SKP2: variants seen among roughly 807,000 people sequenced by gnomAD.
The protein encoded by SKP2 is S-phase kinase associated protein 2.
In SKP2, 16 loss-of-function variants were observed where a neutral mutation model predicts 51.8. That is an observed-to-expected ratio of 0.31 (90% CI 0.21 to 0.47). SKP2 has a LOEUF of 0.47. Ranked by LOEUF, SKP2 falls within the 20% of genes least tolerant of loss-of-function variation. The pLI, the probability that SKP2 is intolerant of heterozygous loss-of-function variation, is 1.00. For missense variants in SKP2, 377 were observed against 505.3 expected (o/e 0.75, Z 2.43); for synonymous variants, 176 against 198.6 (o/e 0.89, Z 0.96).
chr5:36,152,875 T>C lies in SKP2; in HGVS notation c.113T>C (p.Val38Ala). The change falls in exon 2 of 10, where the codon GTC becomes GCC. Residue 38 changes from valine (V) to alanine (A), a missense_variant. Around this residue, in one of 2 missense-constraint regions of SKP2, gnomAD observed 115 missense variants for 115.5 expected, o/e 1.00. Transcript: ENST00000274255. ...TCTGAACTGCTGTCAGGCATGGGGG[T>C]CTCCGCCCTGGAGAAAGAGGAGCCC... Reference protein sequence around the residue: ...KTSELLSGMGVSALEKEEPDS... With the variant: ...KTSELLSGMGASALEKEEPDS... 6.2e-7 allele frequency: 1 copy of C among 1,613,176 alleles called. No homozygotes were observed. The highest frequency in any genetic ancestry group is 1.3e-5 in the African/African-American group (1 of 74,628).
chr5:36,169,021 T>C (rs1050628235), intron 5 of SKP2, among the ~76,000 whole-genome samples: 4 of 152,142 alleles, frequency 2.6e-5, no homozygotes, highest in African/African-American at 2.4e-5. Flanking sequence ...TTCTAAACTC[T>C]TACGTAGTTG....
chr5:36,182,603 C>T lies in SKP2; in HGVS notation c.*572C>T. 1 of 981,298 alleles carries T rather than the reference C, an allele frequency of 1.0e-6. No homozygotes were observed. Among genetic ancestry groups the T allele is most frequent in the Non-Finnish European group, 1.2e-6 (1 of 826,344 alleles). 60.8% of individuals were successfully genotyped at this position (981,298 alleles called of 1,614,324 possible). ...AATTAGGTTAATAGAAATAAGTAAC[C>T]CCATGTAATTCACCTTAAAACTTAA... On this transcript the variant is annotated 3_prime_UTR_variant, in exon 10 of 10. Transcript: ENST00000274255.
chr5:36,186,538 T>C (rs1745957350), downstream of SKP2, among the ~76,000 whole-genome samples: 1 of 152,214 alleles, frequency 6.6e-6, no homozygotes, highest in South Asian at 2.1e-4. Context: ...GTTTATATGC[T>C]GGATTACATT....
chr5:36,153,240 A>G lies in SKP2; in HGVS notation c.280+198A>G, dbSNP rs865919429. ...TATATATATATATATATATATATATATATGTATGTTCTGGTGCATAATCAC... is the reference window on the plus strand; with the variant it reads ...TATATATATATATATATATATATATGTATGTATGTTCTGGTGCATAATCAC... On this transcript the variant is annotated intron_variant, in intron 2 of 9. Transcript: ENST00000274255. Among the ~76,000 whole-genome samples, 35 of 115,122 alleles carry G rather than the reference A, an allele frequency of 3.0e-4. No individual in the cohort carries two copies. The East Asian group carries it at 6.5e-3, about 22-fold the overall frequency. 75.5% of individuals were successfully genotyped at this position (115,122 alleles called of 152,430 possible). A position where few individuals can be genotyped will look rare whatever the true frequency, so the allele number is the denominator to read the frequency against.
At chr5:36,171,157 T>C (rs1745459714) in intron 6 of SKP2, among the ~76,000 whole-genome samples, 1 of 152,198 alleles carries the variant, frequency 6.6e-6, no homozygotes, top group African/African-American at 2.4e-5. Flanking sequence ...TCGTTTTTGC[T>C]CAGTTAGCAG....
chr5:36,183,968 T>TTGTA lies in SKP2; in HGVS notation c.*1941_*1944dup. 1 of 1,608,252 alleles carries TTGTA rather than the reference T, an allele frequency of 6.2e-7. No individual in the cohort carries two copies. The highest frequency in any genetic ancestry group is 8.5e-7 in the Non-Finnish European group (1 of 1,177,558). On this transcript the variant is annotated 3_prime_UTR_variant, in exon 10 of 10. Coordinates refer to ENST00000274255, the MANE Select transcript of SKP2 (RefSeq NM_005983.4). ...CAACATGTCAGAGTAATCTGTATTT[T>TTGTA]TGTATGTGATTTCTACTTTTATAGA...
intron 9 of SKP2, chr5:36,177,505 G>C (rs2112004384): frequency 3.2e-6 from 2 of 625,676 alleles, no homozygotes; most frequent in Admixed American, 2.2e-5. Context: ...TTGTTTAGCT[G>C]TAAGCAGTTT....
At position 36,176,977 on chromosome 5, in the gene SKP2, T is replaced by C. The variant is rs1253043039; in HGVS notation, c.914T>C (p.Leu305Ser). 6.3e-7 allele frequency: 1 copy of C among 1,596,426 alleles called. No homozygotes were observed. Among genetic ancestry groups the C allele is most frequent in the Admixed American group, 1.7e-5 (1 of 59,402 alleles). Residue 305 changes from leucine to serine, a missense_variant, in exon 8 of 10, where the codon TTA becomes TCA. This residue lies in a region of SKP2 where 262 missense variants were observed against 389.8 expected (regional missense o/e 0.67). Coordinates refer to ENST00000274255, the MANE Select transcript of SKP2 (RefSeq NM_005983.4). ...KNLQKSDLST[L>S]VRRCPNLVHL... ...TTGCTTTTCCTAGATCTCTCTACTTTAGTTAGAAGATGCCCCAATCTTGTC... is the reference window on the plus strand; with the variant it reads ...TTGCTTTTCCTAGATCTCTCTACTTCAGTTAGAAGATGCCCCAATCTTGTC...
At chr5:36,155,836 G>A (rs1744928871) in intron 2 of SKP2, among the ~76,000 whole-genome samples, 1 of 152,148 alleles carries the variant, frequency 6.6e-6, no homozygotes, top group South Asian at 2.1e-4. Flanking sequence ...TTTTTTTTAA[G>A]CAAGGCACTG....
Position 36,170,340 on chromosome 5 carries a change from C to G in SKP2, c.672-4C>G, listed in dbSNP as rs1402367282. ...TTTCTTCTGACGTTTTTCTCTTTTT[C>G]CAGTACTCTCGCAAAAAACTCAAAT... On this transcript the variant is annotated splice_polypyrimidine_tract_variant and splice_region_variant and intron_variant, in intron 5 of 9. Transcript: ENST00000274255. The G allele has an allele frequency of 1.9e-6, 3 of 1,583,352 alleles. No individual in the cohort carries two copies. The highest frequency in any genetic ancestry group is 2.6e-6 in the Non-Finnish European group (3 of 1,154,382).
chr5:36,160,226 G>C (rs941039135), intron 2 of SKP2, among the ~76,000 whole-genome samples: 1 of 152,212 alleles, frequency 6.6e-6, no homozygotes, highest in African/African-American at 2.4e-5. Flanking sequence ...CAAATGTGTT[G>C]AGGAGGCCCA....
chr5:36,190,697 A>AAAAAG (rs1374554101), intron 6 of SKP2, among the ~76,000 whole-genome samples: 1 of 150,610 alleles, frequency 6.6e-6, no homozygotes, highest in East Asian at 1.9e-4. Context: ...AAAAAAAAAA[A>AAAAAG]AAAAAAAAAG....
At chr5:36,189,567 C>T (rs1018646114) in intron 6 of SKP2, among the ~76,000 whole-genome samples, 1 of 152,184 alleles carries the variant, frequency 6.6e-6, no homozygotes, top group Non-Finnish European at 1.5e-5. Context: ...TGCTGACTGA[C>T]CGTTCCTCTG....
chr5:36,170,690 TGTA>T (rs1228161167), intron 6 of SKP2, among the ~76,000 whole-genome samples: 2 of 150,582 alleles, frequency 1.3e-5, no homozygotes, highest in African/African-American at 5.0e-5. Flanking sequence ...ATAAGGGAAG[TGTA>T]GTAGTGTCTA....
At position 36,171,817 on chromosome 5, in the gene SKP2, C is replaced by G. The variant is rs990457974; in HGVS notation, c.901+84C>G. ...TGAGCTTCTCCTAATCATTCCTCCA[C>G]ATAAGTTTTCTCATTTAATCCAGTG... On this transcript the variant is annotated intron_variant, in intron 7 of 9. Transcript: ENST00000274255. 51 of 1,376,108 alleles carry G rather than the reference C, an allele frequency of 3.7e-5. No homozygotes were observed. In the African/African-American group the frequency reaches 6.9e-4, roughly 19 times the overall value. The allele number at this position is 1,376,108 out of a possible 1,614,324, so 85.2% of individuals were successfully genotyped here. A position where few individuals can be genotyped will look rare whatever the true frequency, so the allele number is the denominator to read the frequency against.
chr5:36,184,309 C>T lies in SKP2; in HGVS notation c.*2278C>T, dbSNP rs551975851. ...TAAGTTCTAGGGTACATGTGCACAACGTGCAGGTTTGTTACATATGTATAC... is the reference window on the plus strand; with the variant it reads ...TAAGTTCTAGGGTACATGTGCACAATGTGCAGGTTTGTTACATATGTATAC... On this transcript the variant is annotated 3_prime_UTR_variant, in exon 10 of 10. Transcript: ENST00000274255. 4.1e-3 allele frequency: 717 copies of T among 174,966 alleles called. 4 individuals are homozygous for T. Among genetic ancestry groups the T allele is most frequent in the Non-Finnish European group, 6.2e-3 (515 of 83,304 alleles). The allele number at this position is 174,966 out of a possible 1,614,324, so 10.8% of individuals were successfully genotyped here.
chr5:36,157,202 C>T (rs1744978443), intron 2 of SKP2, among the ~76,000 whole-genome samples: 1 of 152,160 alleles, frequency 6.6e-6, no homozygotes, highest in Non-Finnish European at 1.5e-5. Flanking sequence ...TTCATTCATC[C>T]ATTAAGCAAA....
chr5:36,161,868 A>G (rs1745130942), intron 2 of SKP2, among the ~76,000 whole-genome samples: 1 of 152,210 alleles, frequency 6.6e-6, no homozygotes, highest in African/African-American at 2.4e-5. Context: ...AAGATCCATC[A>G]GAGGTGGAAA....
chr5:36,192,177 C>A (rs2112030212), intron 6 of SKP2, among the ~76,000 whole-genome samples: 1 of 152,260 alleles, frequency 6.6e-6, no homozygotes, highest in South Asian at 2.1e-4. Flanking sequence ...ACTTAATAAG[C>A]CTTCTCACTG....
Sources: gnomAD v4.1 joint callset for allele counts (sites outside exome capture counted in the v4.1 genomes callset) on GRCh38, gnomAD v4.1.1 for gene constraint, gnomAD v4.1.1 regional missense constraint, MANE v1.5 for transcripts, NCBI Gene and HGNC (gene_info 2026-07-23, HGNC 2026-07-21) for gene names.